The following PRKCH variants were observed in gnomAD, a reference collection of about 807,000 sequenced individuals.
PRKCH encodes protein kinase C eta type.
A neutral mutation model predicts 82.5 loss-of-function variants in PRKCH; 28 were observed. The observed-to-expected ratio is 0.34, with a 90% CI of 0.25 to 0.47. PRKCH has a LOEUF of 0.47. Ranked by LOEUF, PRKCH falls within the 20% of genes least tolerant of loss-of-function variation. The pLI is 1.00. For missense variants in PRKCH, 705 were observed against 881.8 expected, an observed-to-expected ratio of 0.80 and a Z score of 2.54; for synonymous variants, 322 against 327.4, an observed-to-expected ratio of 0.98 and a Z score of 0.18.
chr14:61,359,883 T>G (rs1281159268), intron 1 of PRKCH, among the ~76,000 whole-genome samples: 2 of 152,256 alleles, frequency 1.3e-5, no homozygotes, highest in African/African-American at 4.8e-5. Context: ...ATTTCTATTA[T>G]TGCACATTAT....
intron 9 of PRKCH, among the ~76,000 whole-genome samples, chr14:61,471,979 T>A (rs544953645): frequency 6.6e-6 from 1 of 152,090 alleles, no homozygotes; most frequent in South Asian, 2.1e-4. Context: ...ATAAGCGTTA[T>A]TTTTTTTCTG....
chr14:61,313,609 A>C (rs1202980633), intron 1 of PRKCH, among the ~76,000 whole-genome samples: 4 of 152,152 alleles, frequency 2.6e-5, no homozygotes, highest in Non-Finnish European at 5.9e-5. Context: ...CATACCCGAG[A>C]CTGGGCAATT....
At chr14:61,244,862 A>G (rs985128234) in intron 1 of PRKCH, among the ~76,000 whole-genome samples, 1 of 152,220 alleles carries the variant, frequency 6.6e-6, no homozygotes, top group African/African-American at 2.4e-5. Context: ...AAAACCTGCT[A>G]CTGACATCAG....
intron 2 of PRKCH, among the ~76,000 whole-genome samples, chr14:61,429,570 G>C (rs193217066): frequency 1.3e-5 from 2 of 152,174 alleles, no homozygotes; most frequent in Non-Finnish European, 2.9e-5. Flanking sequence ...ATCCTAGAAT[G>C]TGTGTCTTGT....
chr14:61,221,821 C>T (rs576861700), intron 1 of PRKCH, among the ~76,000 whole-genome samples: 154 of 152,280 alleles, frequency 1.0e-3, no homozygotes, highest in African/African-American at 3.6e-3. Flanking sequence ...CCTGCTGCAG[C>T]TTTGTCAGAT....
At chr14:61,466,659 A>G (rs777424950) in intron 9 of PRKCH, among the ~76,000 whole-genome samples, 6 of 152,204 alleles carry the variant, frequency 3.9e-5, no homozygotes, top group Admixed American at 3.3e-4. Flanking sequence ...GCCTCTCACT[A>G]GCAGGCCCTG....
At chr14:61,278,574 G>A (rs2351806) in intron 1 of PRKCH, 133,837 of 152,262 alleles carry the variant, frequency 0.88, 58,881 homozygotes, top group Middle Eastern at 0.92. Context: ...GTATAATCAA[G>A]TTAGTAATTG....
rs1267784284 is a variant in PRKCH, at chr14:61,549,833, C to T, written c.*2C>T. ...GTGTCTCCAGAATTGCAACCATAGC[C>T]TTATGGGGAGTGAGAGAGAGGGCAC... is the stretch of plus-strand genomic sequence containing the variant. On this transcript the variant is annotated 3_prime_UTR_variant, in exon 14 of 14. Coordinates refer to ENST00000332981, the MANE Select transcript of PRKCH (RefSeq NM_006255.5). The T allele has an allele frequency of 9.3e-6, 15 of 1,613,260 alleles. No individual in the cohort carries two copies. The highest frequency in any genetic ancestry group is 1.7e-5 in the Admixed American group (1 of 59,922).
At chr14:61,193,875 G>C (rs1434902782) in intron 1 of PRKCH, among the ~76,000 whole-genome samples, 1 of 152,190 alleles carries the variant, frequency 6.6e-6, no homozygotes, top group African/African-American at 2.4e-5. Context: ...TCTTCTTTCT[G>C]TCTTCCTCTG....
At chr14:61,468,788 A>G (rs1342207692) in intron 9 of PRKCH, among the ~76,000 whole-genome samples, 1 of 152,166 alleles carries the variant, frequency 6.6e-6, no homozygotes, top group African/African-American at 2.4e-5. Flanking sequence ...GTCTGCTAAG[A>G]TAGTATAATT....
At chr14:61,210,125 TATATATATATATATATATATATATATATA>T in intron 1 of PRKCH, among the ~76,000 whole-genome samples, 1 of 29,278 alleles carries the variant, frequency 3.4e-5, no homozygotes, top group Non-Finnish European at 6.0e-5. Flanking sequence ...TATATATATA[TATATATATATATATATATATATATATATA>T]TATATATAAA....
At chr14:61,213,111 C>T (rs528920894) in intron 1 of PRKCH, among the ~76,000 whole-genome samples, 11 of 152,082 alleles carry the variant, frequency 7.2e-5, no homozygotes, top group Non-Finnish European at 1.5e-4. Flanking sequence ...CTTTGCCTGC[C>T]GTGGGACCAG....
intron 2 of PRKCH, among the ~76,000 whole-genome samples, chr14:61,413,099 T>G (rs12892443): frequency 0.33 from 50,329 of 151,982 alleles, 8,862 homozygotes; most frequent in African/African-American, 0.44. Context: ...TCCTATTTCT[T>G]TCCCCCCTTT....
At chr14:61,271,200 C>A (rs2045150589) in intron 1 of PRKCH, among the ~76,000 whole-genome samples, 1 of 152,168 alleles carries the variant, frequency 6.6e-6, no homozygotes, top group African/African-American at 2.4e-5. Context: ...CTCCCTGCCG[C>A]CATTCACCCC....
At chr14:61,311,052 T>C (rs2045520208) in intron 1 of PRKCH, among the ~76,000 whole-genome samples, 1 of 152,240 alleles carries the variant, frequency 6.6e-6, no homozygotes, top group Non-Finnish European at 1.5e-5. Context: ...AGAAGGGCCC[T>C]GGGCCTGGCC....
chr14:61,321,069 A>C (rs898867358), upstream of PRKCH, among the ~76,000 whole-genome samples: 2 of 152,248 alleles, frequency 1.3e-5, no homozygotes, highest in African/African-American at 4.8e-5. This position sits in a 1 kb window ranked among gnomAD's most constrained non-coding sequence, Gnocchi z 4.1. Context: ...ACAACTGTGT[A>C]ATTAGCCTCT....
chr14:61,320,541 G>A (rs1002170230), upstream of PRKCH, among the ~76,000 whole-genome samples: 14 of 152,318 alleles, frequency 9.2e-5, no homozygotes, highest in African/African-American at 2.9e-4. Flanking sequence ...GGAGGTTGCG[G>A]TGAGCCGAGA....
intron 9 of PRKCH, among the ~76,000 whole-genome samples, chr14:61,462,707 A>G (rs1215617240): frequency 6.6e-6 from 1 of 152,222 alleles, no homozygotes; most frequent in Non-Finnish European, 1.5e-5. Context: ...TAAGATGCTA[A>G]TCAGTGTGTA....
At chr14:61,477,418 G>A (rs1179360495) in intron 9 of PRKCH, among the ~76,000 whole-genome samples, 3 of 152,184 alleles carry the variant, frequency 2.0e-5, no homozygotes, top group Non-Finnish European at 4.4e-5. Context: ...TTTCTGGAAT[G>A]ATACATCTTC....
Sources: allele counts gnomAD v4.1 joint callset (sites outside exome capture counted in the v4.1 genomes callset), GRCh38; gene constraint gnomAD v4.1.1; non-coding constraint Gnocchi (gnomAD v3.1); transcripts MANE v1.5; gene names NCBI Gene and HGNC (gene_info 2026-07-23, HGNC 2026-07-21).